MAPKAP1: variants seen among roughly 807,000 people sequenced by gnomAD.
MAPKAP1 encodes target of rapamycin complex 2 subunit MAPKAP1.
Under a neutral mutation model 65.7 loss-of-function variants are expected in MAPKAP1, and 20 were observed. The observed-to-expected ratio is 0.30, with a 90% CI of 0.21 to 0.44. The LOEUF (loss-of-function observed/expected upper bound fraction) is 0.44. Ranked by LOEUF, MAPKAP1 falls within the 20% of genes least tolerant of loss-of-function variation. MAPKAP1 has a pLI of 1.00. For missense variants in MAPKAP1, 423 were observed against 648.0 expected (o/e 0.65, Z 3.77); for synonymous variants, 222 against 244.3 (o/e 0.91, Z 0.85).
chr9:125,701,687 G>A (rs1044302107), intron 1 of MAPKAP1, among the ~76,000 whole-genome samples: 2 of 152,262 alleles, frequency 1.3e-5, no homozygotes, highest in East Asian at 1.9e-4. Flanking sequence ...AAGAAAATAA[G>A]GTATACAAGA....
At chr9:125,593,955 T>C (rs1322110005) in intron 4 of MAPKAP1, among the ~76,000 whole-genome samples, 2 of 152,140 alleles carry the variant, frequency 1.3e-5, no homozygotes, top group African/African-American at 4.8e-5. Flanking sequence ...GGCATGTCTG[T>C]CATTCTATAC....
chr9:125,508,366 C>A (rs1432172633), intron 7 of MAPKAP1, among the ~76,000 whole-genome samples: 3 of 152,094 alleles, frequency 2.0e-5, no homozygotes, highest in Admixed American at 6.6e-5. Flanking sequence ...CAGCTGTGGG[C>A]CCCTTTAGTC....
At chr9:125,693,058 G>A (rs1033862416) in intron 1 of MAPKAP1, among the ~76,000 whole-genome samples, 2 of 152,102 alleles carry the variant, frequency 1.3e-5, no homozygotes, top group African/African-American at 2.4e-5. Context: ...ACCAGAGCAC[G>A]ACACAACATT....
At position 125,672,619 on chromosome 9, in the gene MAPKAP1, CA is replaced by C; in HGVS notation, c.-46del. On this transcript the variant is annotated 5_prime_UTR_variant, in exon 2 of 12. An upstream start codon of the reference 5' UTR is lost. Transcript: ENST00000265960. ...CCTTAAAAGGCTATTTTCTCCTCTT[CA>C]TATTGTTTCACGAGCTCACCTACCT... is the stretch of plus-strand genomic sequence containing the variant. 1 of 1,599,340 alleles carries C rather than the reference CA, an allele frequency of 6.3e-7. No homozygotes were observed. The highest frequency in any genetic ancestry group is 8.5e-7 in the Non-Finnish European group (1 of 1,170,592).
At chr9:125,602,622 C>T (rs4838276) in intron 4 of MAPKAP1, among the ~76,000 whole-genome samples, 45,571 of 152,008 alleles carry the variant, frequency 0.3, 7,335 homozygotes, top group Non-Finnish European at 0.36. Context: ...AAAGTGCATT[C>T]GTCTGTACAC....
At position 125,437,744 on chromosome 9, in the gene MAPKAP1, A is replaced by T. The variant is rs992111806; in HGVS notation, c.*1143T>A. On this transcript the variant is annotated 3_prime_UTR_variant, in exon 12 of 12. Transcript: ENST00000265960. Reference sequence around the variant, plus strand: ...ATGTTTCTAATGCAGGTCCTCAGTGAAACACCGGTCCCCGGCCCTGGCTGG... The same window carrying T: ...ATGTTTCTAATGCAGGTCCTCAGTGTAACACCGGTCCCCGGCCCTGGCTGG... The T allele has an allele frequency of 6.6e-6, 1 of 152,264 alleles. No individual in the cohort carries two copies. The highest frequency in any genetic ancestry group is 1.5e-5 in the Non-Finnish European group (1 of 68,036). The allele number at this position is 152,264 out of a possible 1,614,324, so 9.4% of individuals were successfully genotyped here. A position where few individuals can be genotyped will look rare whatever the true frequency, so the allele number is the denominator to read the frequency against.
chr9:125,595,636 G>T lies in MAPKAP1; in HGVS notation c.499-9909C>A. On this transcript the variant is annotated intron_variant, in intron 4 of 11. Transcript: ENST00000265960. This position sits in a 1 kb window ranked among gnomAD's most constrained non-coding sequence, Gnocchi z 4.0. ...CCTTTCTGCCTGTGGACACGCCAAG[G>T]AAGCATCGTTAAAGTCTCTCTTCTC... 1 of 1,451,198 alleles carries T rather than the reference G, an allele frequency of 6.9e-7. No homozygotes were observed. Among genetic ancestry groups the T allele is most frequent in the Non-Finnish European group, 9.0e-7 (1 of 1,105,524 alleles). The allele number at this position is 1,451,198 out of a possible 1,614,324, so 89.9% of individuals were successfully genotyped here. A position where few individuals can be genotyped will look rare whatever the true frequency, so the allele number is the denominator to read the frequency against.
intron 3 of MAPKAP1, among the ~76,000 whole-genome samples, chr9:125,666,177 G>A (rs982905415): frequency 6.6e-6 from 1 of 152,156 alleles, no homozygotes; most frequent in Non-Finnish European, 1.5e-5. Flanking sequence ...ATCTATCCAT[G>A]CAGTTTTAGT....
At chr9:125,602,092 C>A (rs545120257) in intron 4 of MAPKAP1, among the ~76,000 whole-genome samples, 2 of 152,136 alleles carry the variant, frequency 1.3e-5, no homozygotes, top group South Asian at 4.1e-4. Flanking sequence ...ATCTCTACAA[C>A]AAATTTAAAA....
At chr9:125,604,121 A>G (rs1303334495) in intron 4 of MAPKAP1, among the ~76,000 whole-genome samples, 2 of 152,354 alleles carry the variant, frequency 1.3e-5, no homozygotes, top group African/African-American at 4.8e-5. Flanking sequence ...TCTGGTTCCA[A>G]TGTAAAATTC....
chr9:125,634,415 G>C (rs1833369056), intron 4 of MAPKAP1, among the ~76,000 whole-genome samples: 2 of 152,042 alleles, frequency 1.3e-5, no homozygotes, highest in African/African-American at 2.4e-5. Context: ...TGCATTTCTA[G>C]GACTCAATAA....
chr9:125,557,990 G>A (rs1284955819), intron 6 of MAPKAP1, among the ~76,000 whole-genome samples: 4 of 152,150 alleles, frequency 2.6e-5, no homozygotes, highest in Non-Finnish European at 5.9e-5. Flanking sequence ...CCGAGTAGCT[G>A]GGATTACAGG....
chr9:125,618,429 A>C (rs897755565), intron 4 of MAPKAP1, among the ~76,000 whole-genome samples: 1 of 151,746 alleles, frequency 6.6e-6, no homozygotes, highest in Non-Finnish European at 1.5e-5. Flanking sequence ...ACAATGAATC[A>C]AGGAAAAGAA....
chr9:125,680,899 C>CAGA (rs1382470469), intron 1 of MAPKAP1, among the ~76,000 whole-genome samples: 1 of 152,138 alleles, frequency 6.6e-6, no homozygotes, highest in Non-Finnish European at 1.5e-5. Flanking sequence ...GGAAGGAAGG[C>CAGA]AGAAGTATTT....
chr9:125,651,076 T>C (rs1281004369), intron 4 of MAPKAP1, among the ~76,000 whole-genome samples: 2 of 152,082 alleles, frequency 1.3e-5, no homozygotes, highest in African/African-American at 4.8e-5. Flanking sequence ...AAGTGATCCT[T>C]CCGCCTCAGC....
intron 9 of MAPKAP1, among the ~76,000 whole-genome samples, chr9:125,480,474 G>A (rs2133024926): frequency 6.6e-6 from 1 of 152,192 alleles, no homozygotes; most frequent in South Asian, 2.1e-4. Context: ...CAACAACCAG[G>A]GAGATACTTG....
intron 7 of MAPKAP1, among the ~76,000 whole-genome samples, chr9:125,523,570 C>T (rs143387894): frequency 1.1e-3 from 167 of 152,240 alleles, no homozygotes; most frequent in Middle Eastern, 3.4e-3. Context: ...TCTTTCTAGA[C>T]CAAGTTTGAT....
intron 7 of MAPKAP1, among the ~76,000 whole-genome samples, chr9:125,540,924 C>T (rs989280375): frequency 1.3e-5 from 2 of 152,180 alleles, no homozygotes; most frequent in Admixed American, 6.5e-5. Context: ...TGTACCCTGC[C>T]TTTACCAACC....
At chr9:125,480,976 A>G (rs908998996) in intron 9 of MAPKAP1, among the ~76,000 whole-genome samples, 50 of 123,390 alleles carry the variant, frequency 4.1e-4, no homozygotes, top group East Asian at 3.5e-3. Flanking sequence ...CGTTTCGGGG[A>G]AAAAAAAAAA....
Sources: allele counts gnomAD v4.1 joint callset (sites outside exome capture counted in the v4.1 genomes callset), GRCh38; gene constraint gnomAD v4.1.1; non-coding constraint Gnocchi (gnomAD v3.1); transcripts MANE v1.5; gene names NCBI Gene and HGNC (gene_info 2026-07-23, HGNC 2026-07-21).